GRID2: variants seen among roughly 807,000 people sequenced by gnomAD.
GRID2 encodes glutamate ionotropic receptor delta type subunit 2, also known as glutamate receptor ionotropic, delta-2.
A neutral mutation model predicts 114.8 loss-of-function variants in GRID2; 33 were observed. That is an observed-to-expected ratio of 0.29 (90% confidence interval 0.22 to 0.38). GRID2 has a LOEUF of 0.38. Ranked by LOEUF, GRID2 falls within the 10% of genes least tolerant of loss-of-function variation. GRID2 has a pLI of 1.00. For synonymous variants in GRID2, 505 were observed against 449.9 expected (o/e 1.12, Z -1.55); for missense variants, 1,184 against 1,257.7 (o/e 0.94, Z 0.89).
At chr4:92,932,880 G>A (rs112736690) in intron 2 of GRID2, among the ~76,000 whole-genome samples, 3 of 151,286 alleles carry the variant, frequency 2.0e-5, no homozygotes, top group African/African-American at 7.2e-5. Context: ...TGTAAAGTAG[G>A]CAAACTATTG....
chr4:93,023,889 A>G (rs2149249415), intron 2 of GRID2, among the ~76,000 whole-genome samples: 2 of 151,970 alleles, frequency 1.3e-5, no homozygotes, highest in East Asian at 3.9e-4. Flanking sequence ...GAAACACTTA[A>G]CTACACAGAA....
intron 8 of GRID2, among the ~76,000 whole-genome samples, chr4:93,365,097 T>G (rs1191474392): frequency 2.0e-5 from 3 of 152,194 alleles, no homozygotes; most frequent in African/African-American, 7.2e-5. Flanking sequence ...AGATTTTCAT[T>G]GTTTAAAGGC....
intron 1 of GRID2, among the ~76,000 whole-genome samples, chr4:93,780,002 A>G (rs114704088): frequency 2.6e-5 from 4 of 152,208 alleles, no homozygotes; most frequent in Non-Finnish European, 5.9e-5. Flanking sequence ...TGTGTTGGGG[A>G]TACACCAGTA....
At chr4:93,310,034 C>T (rs1755848412) in intron 8 of GRID2, among the ~76,000 whole-genome samples, 1 of 152,092 alleles carries the variant, frequency 6.6e-6, no homozygotes, top group Admixed American at 6.6e-5. Flanking sequence ...TCTGGCTCCC[C>T]TGATATTCCA....
At chr4:93,155,350 T>G (rs1003463151) in intron 4 of GRID2, among the ~76,000 whole-genome samples, 2 of 151,904 alleles carry the variant, frequency 1.3e-5, no homozygotes, top group African/African-American at 4.8e-5. Context: ...CCTTTTCTCC[T>G]CCCCAACATC....
chr4:92,546,335 C>T (rs1993030), intron 1 of GRID2, among the ~76,000 whole-genome samples: 33,217 of 152,058 alleles, frequency 0.22, 3,926 homozygotes, highest in South Asian at 0.3. Context: ...GATTATTTTT[C>T]GTTATCACAC....
Position 93,607,039 on chromosome 4 carries a change from A to G in GRID2, c.2194-19230A>G, listed in dbSNP as rs535370879. On this transcript the variant is annotated intron_variant, in intron 13 of 15. Coordinates refer to ENST00000282020, the MANE Select transcript of GRID2 (RefSeq NM_001510.4). ...AAAACCTTCAATTAGGTATTTACAC[A>G]CATGTAATTTTCATAAATGCATAAA... 1.6e-4 allele frequency among the ~76,000 whole-genome samples: 24 copies of G among 152,252 alleles called. No homozygotes were observed. The South Asian group carries it at 5.0e-3, about 32-fold the overall frequency.
chr4:92,312,438 A>C (rs1725754965), intron 1 of GRID2, among the ~76,000 whole-genome samples: 1 of 152,118 alleles, frequency 6.6e-6, no homozygotes, highest in Non-Finnish European at 1.5e-5. Flanking sequence ...GATTGTGGAC[A>C]TAATGTGAAG....
chr4:93,750,319 G>C (rs1255759622), intron 14 of GRID2, among the ~76,000 whole-genome samples: 1 of 152,216 alleles, frequency 6.6e-6, no homozygotes, highest in Non-Finnish European at 1.5e-5. Flanking sequence ...CCTTGGGAAA[G>C]TGCTGTTTAA....
chr4:92,588,051 T>G (rs72882151), intron 1 of GRID2, among the ~76,000 whole-genome samples: 1,884 of 152,274 alleles, frequency 0.012, 40 homozygotes, highest in African/African-American at 0.043. Context: ...GTAAAAAATT[T>G]GTATCATACT....
At chr4:93,525,761 A>G (rs796570210) in intron 13 of GRID2, among the ~76,000 whole-genome samples, 1 of 152,178 alleles carries the variant, frequency 6.6e-6, no homozygotes, top group African/African-American at 2.4e-5. Context: ...AGACCCTAAC[A>G]TCAAGCCTAT....
At chr4:93,338,341 T>G (rs1759298061) in intron 8 of GRID2, among the ~76,000 whole-genome samples, 1 of 152,148 alleles carries the variant, frequency 6.6e-6, no homozygotes, top group Non-Finnish European at 1.5e-5. Flanking sequence ...CGGTGCAGGA[T>G]GATCTCTGTG....
chr4:92,352,536 C>A (rs1728119369), intron 1 of GRID2, among the ~76,000 whole-genome samples: 2 of 151,708 alleles, frequency 1.3e-5, no homozygotes, highest in Non-Finnish European at 2.9e-5. Context: ...TCCCATCAGT[C>A]AATTTTTGCT....
intron 4 of GRID2, among the ~76,000 whole-genome samples, chr4:93,142,235 C>T (rs1489504009): frequency 2.0e-5 from 3 of 152,086 alleles, no homozygotes; most frequent in Non-Finnish European, 4.4e-5. Context: ...AAAAAACCTA[C>T]TTCTCTTTTA....
chr4:92,858,129 T>C (rs966069344), intron 2 of GRID2, among the ~76,000 whole-genome samples: 18 of 152,236 alleles, frequency 1.2e-4, no homozygotes, highest in Non-Finnish European at 2.1e-4. Flanking sequence ...AACCTAGACC[T>C]CTGATGGAGT....
chr4:93,111,121 C>T (rs759026340), intron 4 of GRID2, among the ~76,000 whole-genome samples, 168 bp downstream of exon 4: 2 of 152,076 alleles, frequency 1.3e-5, no homozygotes, highest in Non-Finnish European at 2.9e-5. Context: ...TCTCATTTAC[C>T]CCTTACTGTC....
At chr4:93,236,296 G>A (rs1430850754) in intron 7 of GRID2, among the ~76,000 whole-genome samples, 1 of 151,954 alleles carries the variant, frequency 6.6e-6, no homozygotes, top group Non-Finnish European at 1.5e-5. Flanking sequence ...AAAAATACAA[G>A]CAATCAAAGG....
At chr4:92,539,798 G>A (rs1725835126) in intron 1 of GRID2, among the ~76,000 whole-genome samples, 1 of 152,074 alleles carries the variant, frequency 6.6e-6, no homozygotes, top group South Asian at 2.1e-4. Context: ...AAAAAATGAA[G>A]GAAGAAAGAA....
chr4:93,108,032 C>T (rs1732415471), intron 3 of GRID2, among the ~76,000 whole-genome samples: 1 of 152,168 alleles, frequency 6.6e-6, no homozygotes, highest in Non-Finnish European at 1.5e-5. Flanking sequence ...ACAGTGGTCT[C>T]CTATAGATTT....
Sources: gnomAD v4.1 joint callset for allele counts (sites outside exome capture counted in the v4.1 genomes callset) on GRCh38, gnomAD v4.1.1 for gene constraint, MANE v1.5 for transcripts, NCBI Gene and HGNC (gene_info 2026-07-23, HGNC 2026-07-21) for gene names.